IFT74: variants seen among roughly 807,000 people sequenced by gnomAD.
The protein encoded by IFT74 is intraflagellar transport protein 74 homolog.
A neutral mutation model predicts 96.7 loss-of-function variants in IFT74; 92 were observed. That is an observed-to-expected ratio of 0.95 (90% CI 0.80 to 1.13). The LOEUF (loss-of-function observed/expected upper bound fraction) is 1.13. Among genes scored for constraint, IFT74 ranks in the 50% most tolerant of loss-of-function variants. IFT74 has a pLI of 0.00. For missense variants in IFT74, 811 were observed against 698.2 expected (o/e 1.16, Z -1.82); for synonymous variants, 223 against 213.2 (o/e 1.05, Z -0.40).
At chr9:27,015,262 A>G (rs558248122) in intron 10 of IFT74, among the ~76,000 whole-genome samples, 18 of 152,290 alleles carry the variant, frequency 1.2e-4, no homozygotes, top group African/African-American at 4.3e-4. Flanking sequence ...AACTGTATAT[A>G]TAATCCATTG....
chr9:27,022,470 A>G (rs1383001950), intron 12 of IFT74, among the ~76,000 whole-genome samples: 1 of 151,928 alleles, frequency 6.6e-6, no homozygotes, highest in Admixed American at 6.6e-5. Context: ...AGCATGGAAT[A>G]TGTTTCCATT....
rs756058770 is a variant in IFT74 at position 27,044,795 on chromosome 9, A to G, written c.1108A>G (p.Thr370Ala). The G allele has an allele frequency of 2.7e-6, 4 of 1,494,814 alleles. No homozygotes were observed. The highest frequency in any genetic ancestry group is 3.7e-6 in the Non-Finnish European group (4 of 1,086,436). 92.6% of individuals were successfully genotyped at this position (1,494,814 alleles called of 1,614,324 possible). A position where few individuals can be genotyped will look rare whatever the true frequency, so the allele number is the denominator to read the frequency against. ...AAAGAAAAGGGAGGAACATATGGAC[A>G]GTAAGTGATATTCTTGTAGATATAA... is the stretch of plus-strand genomic sequence containing the variant. ...ELKKREEHMDTFIETFEETKN... is the reference protein window; with the variant it reads ...ELKKREEHMDAFIETFEETKN... Residue 370 changes from threonine to alanine, a missense_variant and splice_region_variant, in exon 14 of 20, where the codon ACT becomes GCT. By Grantham distance (58) the Thr-to-Ala change is moderately conservative. Coordinates refer to ENST00000380062, the MANE Select transcript of IFT74 (RefSeq NM_025103.4).
chr9:27,032,821 G>A (rs560962064), intron 13 of IFT74, among the ~76,000 whole-genome samples: 4 of 151,518 alleles, frequency 2.6e-5, no homozygotes, highest in South Asian at 4.2e-4. Flanking sequence ...AGCCAAGATC[G>A]CGCCACTGCA....
upstream of IFT74, among the ~76,000 whole-genome samples, chr9:26,953,910 G>GTT (rs1461383564): frequency 2.6e-5 from 4 of 152,164 alleles, no homozygotes; most frequent in South Asian, 2.1e-4. Flanking sequence ...CTACATAAGC[G>GTT]TAACTGGCCA....
rs1209602587 is a variant in IFT74, at chr9:27,062,715, A to G, written c.1782A>G (p.Leu594=). The stretch of plus-strand genomic sequence containing the variant: ...ACAATAAAACCATCGTGGATGCTTT[A>G]CATAGCACCAGCGGAAACTGAGTTT... The part of the protein sequence containing the change: ...AEYNKTIVDA[L]HSTSGN The change falls in exon 20 of 20, where the codon TTA becomes TTG. Residue 594 remains leucine, a synonymous_variant. Transcript: ENST00000380062. The G allele has an allele frequency of 1.9e-6, 3 of 1,591,968 alleles. No homozygotes were observed. Among genetic ancestry groups the G allele is most frequent in the South Asian group, 1.1e-5 (1 of 89,158 alleles).
intron 1 of IFT74, chr9:26,947,160 G>A (rs1358387101): frequency 2.4e-6 from 3 of 1,269,394 alleles, no homozygotes; most frequent in Non-Finnish European, 3.1e-6. Flanking sequence ...AGGGGCGGCC[G>A]GAGACCGGAA....
chr9:26,992,048 T>C (rs1483670652), intron 8 of IFT74, among the ~76,000 whole-genome samples: 1 of 149,632 alleles, frequency 6.7e-6, no homozygotes, highest in African/African-American at 2.5e-5. Flanking sequence ...AAAAAAAAAA[T>C]AGAGAAATAT....
At chr9:27,025,307 G>A (rs1014400196) in intron 12 of IFT74, among the ~76,000 whole-genome samples, 6 of 151,928 alleles carry the variant, frequency 3.9e-5, no homozygotes, top group Admixed American at 3.9e-4. Flanking sequence ...GCTGGGCATG[G>A]TGGCACGCAC....
rs543625439 is a variant in IFT74 at position 27,062,300 on chromosome 9, G to A, written c.1685-318G>A. 8.7e-4 allele frequency among the ~76,000 whole-genome samples: 132 copies of A among 152,306 alleles called. 2 individuals are homozygous for A. The highest frequency in any genetic ancestry group is 3.1e-3 in the African/African-American group (129 of 41,570). ...TCTAGAGAACGTGGTATGTGTATGT[G>A]TGTATGTGTGTTTGAATATAGGAAC... On this transcript the variant is annotated intron_variant, in intron 19 of 19. Transcript: ENST00000380062.
upstream of IFT74, among the ~76,000 whole-genome samples, chr9:26,952,181 A>G (rs950358198): frequency 5.9e-5 from 9 of 152,080 alleles, no homozygotes; most frequent in African/African-American, 2.2e-4. Context: ...TTGAAATATT[A>G]TCTAGATAAT....
At chr9:27,041,186 G>T (rs1171915476) in intron 13 of IFT74, among the ~76,000 whole-genome samples, 1 of 152,052 alleles carries the variant, frequency 6.6e-6, no homozygotes, top group Non-Finnish European at 1.5e-5. Context: ...ATTCTTCAGA[G>T]GAAAATATTT....
chr9:26,996,474 G>GC, intron 8 of IFT74: 3 of 1,507,856 alleles, frequency 2.0e-6, no homozygotes, highest in Non-Finnish European at 2.7e-6. Context: ...TGTTGGGGTA[G>GC]CTACACATGG....
At chr9:26,998,881 C>T (rs943676834) in intron 8 of IFT74, among the ~76,000 whole-genome samples, 1 of 151,844 alleles carries the variant, frequency 6.6e-6, no homozygotes, top group African/African-American at 2.4e-5. Context: ...GTAATCCCAG[C>T]TACTTGGGAG....
chr9:27,006,142 C>T (rs1828764944), intron 8 of IFT74, among the ~76,000 whole-genome samples: 1 of 152,154 alleles, frequency 6.6e-6, no homozygotes, highest in Non-Finnish European at 1.5e-5. Flanking sequence ...CTGCACCCAG[C>T]CTACCTTTGT....
intron 16 of IFT74, among the ~76,000 whole-genome samples, chr9:27,049,187 G>T (rs1244833508): frequency 6.6e-6 from 1 of 152,124 alleles, no homozygotes; most frequent in Admixed American, 6.5e-5. Context: ...TGTACAGCCT[G>T]TAGAACCATT....
At chr9:27,039,183 GCTT>G (rs1241433879) in intron 13 of IFT74, among the ~76,000 whole-genome samples, 2 of 152,082 alleles carry the variant, frequency 1.3e-5, no homozygotes, top group Non-Finnish European at 2.9e-5. Context: ...GACAGTTTAT[GCTT>G]CTTTTTTTTT....
At chr9:27,036,688 A>T in intron 13 of IFT74, 1 of 1,318,170 alleles carries the variant, frequency 7.6e-7, no homozygotes, top group Non-Finnish European at 9.6e-7. Flanking sequence ...TCTGTGAAAA[A>T]AAAAAGACTC....
chr9:27,020,283 G>A (rs1829536731), intron 12 of IFT74, among the ~76,000 whole-genome samples: 1 of 152,038 alleles, frequency 6.6e-6, no homozygotes, highest in Non-Finnish European at 1.5e-5. Context: ...TGGAATCACA[G>A]TCTCTAGTAT....
intron 10 of IFT74, among the ~76,000 whole-genome samples, chr9:27,015,229 T>C (rs751456608): frequency 6.6e-6 from 1 of 152,364 alleles, no homozygotes; most frequent in Non-Finnish European, 1.5e-5. Flanking sequence ...TTTAATCTTA[T>C]CTGATGCCTA....
Sources: allele counts gnomAD v4.1 joint callset (sites outside exome capture counted in the v4.1 genomes callset), GRCh38; gene constraint gnomAD v4.1.1; transcripts MANE v1.5; gene names NCBI Gene and HGNC (gene_info 2026-07-23, HGNC 2026-07-21).